MCM9: variants seen among roughly 807,000 people sequenced by gnomAD.
MCM9 encodes DNA helicase MCM9.
A neutral mutation model predicts 72.8 loss-of-function variants in MCM9; 55 were observed. That is an observed-to-expected ratio of 0.76 (90% CI 0.61 to 0.95). The LOEUF is 0.95. Ranked by LOEUF, MCM9 falls within the 40% of genes least tolerant of loss-of-function variation. The pLI, the probability that MCM9 is intolerant of heterozygous loss-of-function variation, is 0.00. For synonymous variants in MCM9, 480 were observed against 503.4 expected, an observed-to-expected ratio of 0.95 and a Z score of 0.62; for missense variants, 1,279 against 1,377.0, an observed-to-expected ratio of 0.93 and a Z score of 1.13.
intron 8 of MCM9, chr6:118,907,659 C>A (rs190021689): frequency 9.2e-4 from 1,352 of 1,466,752 alleles, no homozygotes; most frequent in Non-Finnish European, 1.2e-3. Flanking sequence ...TAAAAATACA[C>A]AGAACTATTT....
chr6:118,826,841 C>A lies in MCM9; in HGVS notation c.1756G>T (p.Asp586Tyr). Residue 586 changes from aspartate to tyrosine, a missense_variant, in exon 12 of 14, where the codon GAT becomes TAT. Asp to Tyr is a radical substitution (Grantham distance 160). Transcript: ENST00000619706. ...AEAHARLMFR[D>Y]TVTLEDAITV... The stretch of plus-strand genomic sequence containing the variant: ...ATAGCGTCTTCCAGAGTTACAGTAT[C>A]ACGAAACATCAGGCGAGCATGAGCT... 6.5e-7 allele frequency: 1 copy of A among 1,550,318 alleles called. No individual in the cohort carries two copies. The highest frequency in any genetic ancestry group is 8.7e-7 in the Non-Finnish European group (1 of 1,146,892).
At chr6:118,855,173 A>C (rs554062743) in intron 9 of MCM9, among the ~76,000 whole-genome samples, 28 of 152,348 alleles carry the variant, frequency 1.8e-4, no homozygotes, top group African/African-American at 5.3e-4. Context: ...AAGCTCATTA[A>C]ATGGAGATAT....
At chr6:118,901,623 C>T (rs1376138299) in intron 8 of MCM9, among the ~76,000 whole-genome samples, 1 of 152,006 alleles carries the variant, frequency 6.6e-6, no homozygotes, top group African/African-American at 2.4e-5. Context: ...TCTTTTAATC[C>T]ATGTTAAATT....
chr6:118,824,894 T>C (rs1774062417), intron 13 of MCM9, among the ~76,000 whole-genome samples: 1 of 152,158 alleles, frequency 6.6e-6, no homozygotes, highest in East Asian at 1.9e-4. Flanking sequence ...GCCTCTACAT[T>C]ATAAATAAAT....
intron 9 of MCM9, among the ~76,000 whole-genome samples, chr6:118,845,265 G>T (rs955801957): frequency 6.6e-6 from 1 of 151,890 alleles, no homozygotes; most frequent in Non-Finnish European, 1.5e-5. Context: ...AACTTCTGAT[G>T]CTGTGGTGGC....
chr6:118,924,910 G>A (rs1399013222), intron 3 of MCM9, among the ~76,000 whole-genome samples: 1 of 152,028 alleles, frequency 6.6e-6, no homozygotes, highest in African/African-American at 2.4e-5. Context: ...TGGGCATGGT[G>A]GTGCATGCCT....
intron 8 of MCM9, among the ~76,000 whole-genome samples, chr6:118,877,629 G>C (rs1778019431): frequency 6.6e-6 from 1 of 152,172 alleles, no homozygotes; most frequent in Non-Finnish European, 1.5e-5. Context: ...TTGGAAAAGA[G>C]TTTGGCAATA....
chr6:118,911,786 A>C lies in MCM9; in HGVS notation c.1031-17T>G. ...GAGATTCTCCTAGGAAAAAGCAAAT[A>C]CATGAAGTTTTAAATTTCTATAAAA... is the stretch of plus-strand genomic sequence containing the variant. On this transcript the variant is annotated splice_polypyrimidine_tract_variant and intron_variant, in intron 7 of 13. Coordinates refer to ENST00000619706, the MANE Select transcript of MCM9 (RefSeq NM_017696.3). 2 of 1,591,578 alleles carry C rather than the reference A, an allele frequency of 1.3e-6. No individual in the cohort carries two copies. The highest frequency in any genetic ancestry group is 1.7e-6 in the Non-Finnish European group (2 of 1,162,628).
At chr6:118,907,233 C>T (rs1164012364) in intron 8 of MCM9, among the ~76,000 whole-genome samples, 2 of 152,122 alleles carry the variant, frequency 1.3e-5, no homozygotes, top group East Asian at 1.9e-4. Context: ...CAGCCCTAGT[C>T]GTTACATCTT....
chr6:118,828,170 A>T (rs1012291240), intron 10 of MCM9, 40 bp from the exon 11 acceptor site: 5 of 1,437,534 alleles, frequency 3.5e-6, no homozygotes, highest in Non-Finnish European at 4.7e-6. Context: ...TTCTTAGGAC[A>T]GGCAAACATC....
At chr6:118,914,199 A>C (rs945768340) in intron 6 of MCM9, among the ~76,000 whole-genome samples, 1 of 152,228 alleles carries the variant, frequency 6.6e-6, no homozygotes, top group Non-Finnish European at 1.5e-5. Flanking sequence ...CAACCCTAGC[A>C]GTGTAAGTAT....
chr6:118,818,880 CTTT>C (rs943757746), intron 13 of MCM9, among the ~76,000 whole-genome samples: 1 of 152,104 alleles, frequency 6.6e-6, no homozygotes, highest in Non-Finnish European at 1.5e-5. Flanking sequence ...ATTTTATTTT[CTTT>C]GTAGCAATTG....
chr6:118,909,205 T>C (rs771410150), intron 8 of MCM9: 1 of 152,184 alleles, frequency 6.6e-6, no homozygotes. Flanking sequence ...GAACAACATA[T>C]GTGCTTATTA....
In MCM9 at chr6:118,913,409, T is replaced by C. The variant is rs754412861; in HGVS notation, c.916A>G (p.Ile306Val). The change falls in exon 7 of 14, where the codon ATA becomes GTA. Residue 306 changes from isoleucine to valine, a missense_variant. Coordinates refer to ENST00000619706, the MANE Select transcript of MCM9 (RefSeq NM_017696.3). ...ACTTGAGGGCACAAGCTAGCCAATA[T>C]TACATTCCTTCCTAGGAAAAGCAGA... ...KSDPFAGRNV[I>V]LASLCPQVFG... 4.3e-6 allele frequency: 7 copies of C among 1,612,864 alleles called. No individual in the cohort carries two copies. Among genetic ancestry groups the C allele is most frequent in the South Asian group, 1.1e-5 (1 of 90,692 alleles).
At chr6:118,932,931 C>T (rs1204896462) in intron 1 of MCM9, among the ~76,000 whole-genome samples, 191 bp from the exon 2 acceptor site, 1 of 152,210 alleles carries the variant, frequency 6.6e-6, no homozygotes, top group Non-Finnish European at 1.5e-5. Flanking sequence ...TTCATGTATA[C>T]AGACGGATAA....
At chr6:118,904,137 G>C (rs1021557754) in intron 8 of MCM9, among the ~76,000 whole-genome samples, 1 of 152,176 alleles carries the variant, frequency 6.6e-6, no homozygotes, top group Admixed American at 6.5e-5. Context: ...CAGTGCAAAT[G>C]ATAGGCTAGA....
intron 8 of MCM9, chr6:118,905,656 A>G: frequency 6.2e-7 from 1 of 1,606,218 alleles, no homozygotes; most frequent in Non-Finnish European, 8.5e-7. Context: ...TTCTAGGCTG[A>G]TGCACCTAAT....
At position 118,829,266 on chromosome 6, in the gene MCM9, G is replaced by A. The variant is rs1476015584; in HGVS notation, c.1326-16C>T. The A allele has an allele frequency of 6.5e-7, 1 of 1,534,132 alleles. No homozygotes were observed. Among genetic ancestry groups the A allele is most frequent in the Non-Finnish European group, 8.8e-7 (1 of 1,134,862 alleles). On this transcript the variant is annotated splice_polypyrimidine_tract_variant and intron_variant, in intron 9 of 13. Transcript: ENST00000619706. ...GCACACGAGGCTGCCAGGAGAGACAGTACAATTCACTGATTGTGAGGTTCA... is the reference window on the plus strand; with the variant it reads ...GCACACGAGGCTGCCAGGAGAGACAATACAATTCACTGATTGTGAGGTTCA...
chr6:118,831,521 A>G (rs1481860471), intron 9 of MCM9, among the ~76,000 whole-genome samples: 2 of 152,084 alleles, frequency 1.3e-5, no homozygotes, highest in Non-Finnish European at 2.9e-5. Flanking sequence ...AAGAGGGAGG[A>G]TGAAGACAGT....
Sources: gnomAD v4.1 joint callset for allele counts (sites outside exome capture counted in the v4.1 genomes callset) on GRCh38, gnomAD v4.1.1 for gene constraint, MANE v1.5 for transcripts, NCBI Gene and HGNC (gene_info 2026-07-23, HGNC 2026-07-21) for gene names.